Variants in SNAPC4 observed in about 807,000 individuals in gnomAD.
The protein encoded by SNAPC4 is snRNA-activating protein complex subunit 4.
In SNAPC4, 127 loss-of-function variants were observed where a neutral mutation model predicts 151.3. That is an observed-to-expected ratio of 0.84 (90% CI 0.73 to 0.97). The LOEUF is 0.97. Among genes scored for constraint, SNAPC4 ranks in the 50% least tolerant of loss-of-function variants. The probability of loss-of-function intolerance (pLI) is 0.00; values close to 1 mark genes in which losing one functional copy is unlikely to be tolerated. For synonymous variants in SNAPC4, 1,002 were observed against 824.4 expected (o/e 1.22, Z -3.69); for missense variants, 2,186 against 1,935.0 (o/e 1.13, Z -2.43).
intron 4 of SNAPC4, 88 bp from the exon 5 acceptor site, chr9:136,395,511 G>T: frequency 6.4e-7 from 1 of 1,567,420 alleles, no homozygotes; most frequent in South Asian, 1.2e-5. Context: ...GGAGAGGCAG[G>T]GAGCTGGGGA....
intron 3 of SNAPC4, among the ~76,000 whole-genome samples, chr9:136,396,461 G>A (rs1834278023): frequency 6.6e-6 from 1 of 152,150 alleles, no homozygotes; most frequent in Non-Finnish European, 1.5e-5. Context: ...CCATCACCCA[G>A]GCTGGAGTGC....
chr9:136,379,874 A>G lies in SNAPC4; in HGVS notation c.2500-10T>C. ...GGGCACTTGAGGATGCCTGGAAATG[A>G]AAGAGAGGAGAGTCAGCAGCTCAGG... On this transcript the variant is annotated splice_polypyrimidine_tract_variant and intron_variant, in intron 20 of 23. Transcript: ENST00000684778. 6.2e-7 allele frequency: 1 copy of G among 1,612,460 alleles called. No homozygotes were observed. Among genetic ancestry groups the G allele is most frequent in the Non-Finnish European group, 8.5e-7 (1 of 1,179,296 alleles).
Position 136,383,900 on chromosome 9 carries a change from C to A in SNAPC4, c.1500+53G>T, listed in dbSNP as rs1335552862. On this transcript the variant is annotated intron_variant, in intron 15 of 23. Transcript: ENST00000684778. This position sits in a 1 kb window ranked among gnomAD's most constrained non-coding sequence, Gnocchi z 4.2. ...CCCTCCTCCTGCCTGCTGGACCCCCCAGTTGACCAGGCCATTGTCTGGTTT... is the reference window on the plus strand; with the variant it reads ...CCCTCCTCCTGCCTGCTGGACCCCCAAGTTGACCAGGCCATTGTCTGGTTT... 1.3e-6 allele frequency: 2 copies of A among 1,519,666 alleles called. No homozygotes were observed. Among genetic ancestry groups the A allele is most frequent in the Admixed American group, 1.7e-5 (1 of 59,760 alleles). The allele number at this position is 1,519,666 out of a possible 1,614,324, so 94.1% of individuals were successfully genotyped here. A position where few individuals can be genotyped will look rare whatever the true frequency, so the allele number is the denominator to read the frequency against.
At position 136,394,461 on chromosome 9, in the gene SNAPC4, T is replaced by G. The variant is rs190339351; in HGVS notation, c.551-131A>C. 355 of 778,306 alleles carry G rather than the reference T, an allele frequency of 4.6e-4. 1 individual carries two copies. The East Asian group carries it at 5.8e-3, about 13-fold the overall frequency. The allele number at this position is 778,306 out of a possible 1,614,324, so 48.2% of individuals were successfully genotyped here. A position where few individuals can be genotyped will look rare whatever the true frequency, so the allele number is the denominator to read the frequency against. On this transcript the variant is annotated intron_variant, in intron 6 of 23. Transcript: ENST00000684778. Reference sequence around the variant, plus strand: ...CGAGTAAGCAGCACGCCAGACCTACTGACGTGGCCCCTCCACCCAGCTGAC... The same window carrying G: ...CGAGTAAGCAGCACGCCAGACCTACGGACGTGGCCCCTCCACCCAGCTGAC...
chr9:136,376,174 T>A (rs563892412), intron 23 of SNAPC4, among the ~76,000 whole-genome samples, 175 bp downstream of exon 23: 1 of 152,200 alleles, frequency 6.6e-6, no homozygotes, highest in Admixed American at 6.5e-5. Flanking sequence ...GCAGGAAGGA[T>A]GTGGGTTAAA....
intron 23 of SNAPC4, 91 bp downstream of exon 23, chr9:136,376,256 CAA>C: frequency 6.7e-7 from 1 of 1,485,692 alleles, no homozygotes; most frequent in Non-Finnish European, 9.2e-7. Context: ...CTGTGAGCGC[CAA>C]AGAGCCGAGC....
chr9:136,378,024 G>T lies in SNAPC4; in HGVS notation c.3803C>A (p.Ala1268Asp). 6.3e-7 allele frequency: 1 copy of T among 1,591,152 alleles called. No individual in the cohort carries two copies. Among genetic ancestry groups the T allele is most frequent in the Non-Finnish European group, 8.5e-7 (1 of 1,169,744 alleles). Residue 1268 changes from alanine to aspartate, a missense_variant, in exon 22 of 24, where the codon GCC becomes GAC. Physicochemically the swap from Ala to Asp is moderately radical, Grantham distance 126. Transcript: ENST00000684778. Reference protein sequence around the residue: ...PLPQPGPEKGALDLGLLSQEG... With the variant: ...PLPQPGPEKGDLDLGLLSQEG... The stretch of plus-strand genomic sequence containing the variant: ...CTGGGACAGCAGGCCCAGGTCCAGG[G>T]CCCCCTTCTCAGGCCCAGGCTGGGG...
intron 10 of SNAPC4, 87 bp downstream of exon 10, chr9:136,391,855 G>A (rs1834084867): frequency 4.9e-6 from 7 of 1,419,272 alleles, no homozygotes; most frequent in African/African-American, 1.4e-5. Flanking sequence ...GAGCACTGGG[G>A]ACCCCGCACC....
chr9:136,385,844 G>A (rs900440902), intron 13 of SNAPC4, among the ~76,000 whole-genome samples: 2 of 152,032 alleles, frequency 1.3e-5, no homozygotes, highest in Non-Finnish European at 2.9e-5. Flanking sequence ...GTGAGCCACC[G>A]AGCCCTGCCA....
intron 22 of SNAPC4, 42 bp downstream of exon 22, chr9:136,377,501 C>T (rs376227073): frequency 4.2e-5 from 63 of 1,497,114 alleles, no homozygotes; most frequent in Admixed American, 3.0e-4. Flanking sequence ...CCCCAGGGAC[C>T]GCCGCCTGCC....
intron 3 of SNAPC4, 32 bp from the exon 4 acceptor site, chr9:136,395,802 G>T (rs1395718811): frequency 1.9e-6 from 3 of 1,594,520 alleles, no homozygotes; most frequent in Non-Finnish European, 2.6e-6. Flanking sequence ...CATGTGACGA[G>T]ATGAGACGTG....
chr9:136,391,930 C>A lies in SNAPC4; in HGVS notation c.975+12G>T. 4 of 1,599,474 alleles carry A rather than the reference C, an allele frequency of 2.5e-6. No individual in the cohort carries two copies. Among genetic ancestry groups the A allele is most frequent in the African/African-American group, 2.7e-5 (2 of 75,022 alleles). On this transcript the variant is annotated intron_variant, in intron 10 of 23. Transcript: ENST00000684778. The stretch of plus-strand genomic sequence containing the variant: ...GGTCTCCTGGCCCCTGGGGTCCAGG[C>A]CAGGCCCTTACCCCCAGCTCCTCTG...
intron 20 of SNAPC4, among the ~76,000 whole-genome samples, chr9:136,380,264 G>T (rs943717953): frequency 1.3e-5 from 2 of 152,100 alleles, no homozygotes; most frequent in African/African-American, 4.8e-5. Context: ...GAGCTCTTCT[G>T]GGGGGTTGGG....
chr9:136,390,960 G>A (rs916653601), intron 10 of SNAPC4, among the ~76,000 whole-genome samples: 6 of 151,742 alleles, frequency 4.0e-5, no homozygotes, highest in African/African-American at 9.7e-5. Context: ...TCAGCCTCCC[G>A]AGTAGCTGGG....
intron 1 of SNAPC4, among the ~76,000 whole-genome samples, chr9:136,399,296 G>A (rs954176625): frequency 6.6e-6 from 1 of 152,184 alleles, no homozygotes; most frequent in Admixed American, 6.5e-5. Flanking sequence ...CCACCCGCGA[G>A]CACCGTTAGC....
chr9:136,387,696 C>G lies in SNAPC4; in HGVS notation c.1230+46G>C, dbSNP rs749136499. On this transcript the variant is annotated intron_variant, in intron 12 of 23. Transcript: ENST00000684778. ...GCACAGCAGCCGCTGAACACAGCCG[C>G]GTTACCTTCCCAGAGCCCAGTTCTC... The G allele has an allele frequency of 6.3e-6, 9 of 1,418,646 alleles. No homozygotes were observed. In the South Asian group the frequency reaches 1.0e-4, roughly 16 times the overall value. 87.9% of individuals were successfully genotyped at this position (1,418,646 alleles called of 1,614,324 possible). A position where few individuals can be genotyped will look rare whatever the true frequency, so the allele number is the denominator to read the frequency against.
intron 17 of SNAPC4, 46 bp downstream of exon 17, chr9:136,382,207 C>G (rs369920182): frequency 1.9e-6 from 3 of 1,601,230 alleles, no homozygotes; most frequent in Non-Finnish European, 2.6e-6. Context: ...CAGACCAGGG[C>G]GGGGCACGTG....
In SNAPC4 at chr9:136,383,633, G is replaced by C. The variant is rs904673016; in HGVS notation, c.1536C>G (p.Ala512=). The change falls in exon 16 of 24, where the codon GCC becomes GCG. Residue 512 remains alanine (A), a synonymous_variant. Coordinates refer to ENST00000684778, the MANE Select transcript of SNAPC4 (RefSeq NM_003086.4). The surrounding 1 kb of genome is among the most constrained non-coding windows in gnomAD (Gnocchi z 4.2). Reference sequence around the variant, plus strand: ...TAGAGCTCCACCGGACGCTGTGACGGGCCCTCCGCCGCCGCCTCCGGAGAC... The same window carrying C: ...TAGAGCTCCACCGGACGCTGTGACGCGCCCTCCGCCGCCGCCTCCGGAGAC... ...KQGLRRRRRR[A]RHSVRWSSTS... The C allele has an allele frequency of 1.9e-6, 3 of 1,610,310 alleles. No homozygotes were observed. In the Admixed American group the frequency reaches 5.0e-5, roughly 27 times the overall value.
chr9:136,384,092 T>G, intron 14 of SNAPC4, 60 bp from the exon 15 acceptor site: 1 of 1,458,280 alleles, frequency 6.9e-7, no homozygotes, highest in Non-Finnish European at 9.5e-7. Flanking sequence ...CAGGACAGGC[T>G]TGCTGTTCCC....
Sources: allele counts gnomAD v4.1 joint callset (sites outside exome capture counted in the v4.1 genomes callset), GRCh38; gene constraint gnomAD v4.1.1; non-coding constraint Gnocchi (gnomAD v3.1); transcripts MANE v1.5; gene names NCBI Gene and HGNC (gene_info 2026-07-23, HGNC 2026-07-21).